RB1: variants seen among roughly 807,000 people sequenced by gnomAD.
RB1 encodes retinoblastoma-associated protein.
A neutral mutation model predicts 135.4 loss-of-function variants in RB1; 18 were observed. That is an observed-to-expected ratio of 0.13 (90% CI 0.09 to 0.20). The LOEUF is 0.20. Among genes scored for constraint, RB1 ranks in the 10% least tolerant of loss-of-function variants. RB1 has a pLI of 1.00. For synonymous variants in RB1, 365 were observed against 373.2 expected (o/e 0.98, Z 0.25); for missense variants, 868 against 1,110.0 (o/e 0.78, Z 3.10).
intron 17 of RB1, among the ~76,000 whole-genome samples, chr13:48,450,215 C>T (rs1421128934): frequency 1.3e-5 from 2 of 151,686 alleles, no homozygotes; most frequent in African/African-American, 2.4e-5. Context: ...GCCTATGTCC[C>T]GAATGGTATT....
rs1190813356 is a variant in RB1, at chr13:48,452,995, T to G, written c.1698T>G (p.Asp566Glu). 1 of 1,612,558 alleles carries G rather than the reference T, an allele frequency of 6.2e-7. No homozygotes were observed. The highest frequency in any genetic ancestry group is 2.2e-5 in the East Asian group (1 of 44,782). Residue 566 changes from aspartate (D) to glutamate (E), a missense_variant and splice_region_variant, in exon 18 of 27, where the codon GAT becomes GAG. Physicochemically the swap from Asp to Glu is conservative, Grantham distance 45. Coordinates refer to ENST00000267163, the MANE Select transcript of RB1 (RefSeq NM_000321.3). ...TAATTTCATCATGTTTCATATAGGA[T>G]TCACCTTTATTTGATCTTATTAAAC... Reference protein sequence around the residue: ...RIMESLAWLSDSPLFDLIKQS... With the variant: ...RIMESLAWLSESPLFDLIKQS...
rs587778641 is a variant in RB1 at position 48,456,287 on chromosome 13, C to T, written c.1898C>T (p.Thr633Ile). 4.3e-6 allele frequency: 7 copies of T among 1,614,204 alleles called. No homozygotes were observed. Among genetic ancestry groups the T allele is most frequent in the Non-Finnish European group, 5.1e-6 (6 of 1,180,048 alleles). The stretch of plus-strand genomic sequence containing the variant: ...ACTGCAAATGCAGAGACACAAGCAA[C>T]CTCAGCCTTCCAGACCCAGAAGCCA... ...NSTANAETQA[T>I]SAFQTQKPLK... Residue 633 changes from threonine (T) to isoleucine (I), a missense_variant, in exon 19 of 27, where the codon ACC (threonine) becomes ATC (isoleucine). Thr to Ile is a moderately conservative substitution (Grantham distance 89). This residue lies in a region of RB1 where 641 missense variants were observed against 791.3 expected (regional missense o/e 0.81). Transcript: ENST00000267163.
chr13:48,430,851 C>G (rs1019063731), intron 17 of RB1, among the ~76,000 whole-genome samples: 1 of 151,994 alleles, frequency 6.6e-6, no homozygotes, highest in Non-Finnish European at 1.5e-5. Flanking sequence ...ATTTCTGGAG[C>G]CCAGGAGTTT....
chr13:48,458,031 G>A (rs528072843), intron 19 of RB1, among the ~76,000 whole-genome samples: 6 of 152,238 alleles, frequency 3.9e-5, no homozygotes, highest in Admixed American at 6.5e-5. Context: ...GCACAGGGAT[G>A]CCTGGGTCCG....
At chr13:48,339,544 T>G (rs1952422759) in intron 2 of RB1, among the ~76,000 whole-genome samples, 1 of 152,078 alleles carries the variant, frequency 6.6e-6, no homozygotes, top group South Asian at 2.1e-4. Context: ...AGGGTGGGAG[T>G]GACCCGATTT....
In RB1 at chr13:48,388,509, T is replaced by C. The variant is rs531224511; in HGVS notation, c.1695+7066T>C. ...GGCACTTTGGTGAGCACTTCTTAAA[T>C]TTAATTTTCATCATAATCCATGAGG... On this transcript the variant is annotated intron_variant, in intron 17 of 26. Transcript: ENST00000267163. Among the ~76,000 whole-genome samples, 3 of 152,276 alleles carry C rather than the reference T, an allele frequency of 2.0e-5. No homozygotes were observed. The South Asian group carries it at 6.2e-4, about 32-fold the overall frequency.
intron 17 of RB1, among the ~76,000 whole-genome samples, chr13:48,427,134 C>T (rs917910043): frequency 2.0e-5 from 3 of 152,302 alleles, no homozygotes; most frequent in Non-Finnish European, 2.9e-5. Flanking sequence ...TACCAAACCT[C>T]ACCTCCAGCA....
intron 18 of RB1, among the ~76,000 whole-genome samples, chr13:48,455,888 A>G (rs893197576): frequency 6.6e-6 from 1 of 152,202 alleles, no homozygotes; most frequent in African/African-American, 2.4e-5. Context: ...ATATCAATAA[A>G]TTGTTTTTTA....
chr13:48,413,896 T>A (rs1176315229), intron 17 of RB1, among the ~76,000 whole-genome samples: 2 of 152,184 alleles, frequency 1.3e-5, no homozygotes, highest in Non-Finnish European at 2.9e-5. Context: ...ATCCTACTAC[T>A]TGGCAAAATT....
At chr13:48,317,383 G>A (rs76016045) in intron 2 of RB1, 15 of 387,938 alleles carry the variant, frequency 3.9e-5, no homozygotes, top group Admixed American at 4.4e-5. Flanking sequence ...CGAGCGCAGC[G>A]CGCACGGGTT....
intron 2 of RB1, chr13:48,341,381 A>G (rs1316961899): frequency 6.6e-6 from 1 of 151,806 alleles, no homozygotes; most frequent in Non-Finnish European, 1.5e-5. Context: ...TGAAGCTGCT[A>G]TGAACATTCA....
chr13:48,308,687 ATC>A (rs947099338), intron 2 of RB1, among the ~76,000 whole-genome samples: 20 of 152,204 alleles, frequency 1.3e-4, no homozygotes, highest in African/African-American at 4.8e-4. Context: ...AACTTTACAA[ATC>A]TACGAATAAC....
rs535405256 is a variant in RB1, at chr13:48,456,059, A to C, written c.1815-145A>C. The stretch of plus-strand genomic sequence containing the variant: ...TGACAAGCAGTTTTCCTATTAATAT[A>C]TCTTTCCCAGCTTGCATTTAAATAG... On this transcript the variant is annotated intron_variant, in intron 18 of 26. Coordinates refer to ENST00000267163, the MANE Select transcript of RB1 (RefSeq NM_000321.3). The C allele has an allele frequency of 1.0e-4, 147 of 1,425,918 alleles. No homozygotes were observed. The African/African-American group carries it at 1.7e-3, about 17-fold the overall frequency. The allele number at this position is 1,425,918 out of a possible 1,614,324, so 88.3% of individuals were successfully genotyped here.
intron 18 of RB1, among the ~76,000 whole-genome samples, chr13:48,454,713 A>T (rs749634478): frequency 6.6e-6 from 1 of 152,238 alleles, no homozygotes; most frequent in Non-Finnish European, 1.5e-5. Context: ...CCTTTCTCTG[A>T]TAAAGTGATA....
chr13:48,304,423 G>T (rs1952060236), intron 1 of RB1, among the ~76,000 whole-genome samples: 1 of 152,188 alleles, frequency 6.6e-6, no homozygotes, highest in Admixed American at 6.5e-5. Context: ...TTTCACCGGA[G>T]AATTGGAGTA....
At chr13:48,324,556 G>A (rs1220935521) in intron 2 of RB1, among the ~76,000 whole-genome samples, 2 of 151,878 alleles carry the variant, frequency 1.3e-5, no homozygotes, top group Non-Finnish European at 2.9e-5. Context: ...CTGTTTTATG[G>A]CTGAATAACA....
At position 48,394,465 on chromosome 13, in the gene RB1, C is replaced by T. The variant is rs111534561; in HGVS notation, c.1695+13022C>T. Among the ~76,000 whole-genome samples the T allele has an allele frequency of 3.1e-3, 470 of 152,308 alleles. 1 individual carries two copies. The highest frequency in any genetic ancestry group is 0.011 in the African/African-American group (442 of 41,554). ...AGCCAAGTGGTCTACCTCAGCGGAT[C>T]CCACCCCCATGGAGCCAAGCAAGCT... On this transcript the variant is annotated intron_variant, in intron 17 of 26. Transcript: ENST00000267163.
chr13:48,355,719 A>G (rs1952583976), intron 6 of RB1, among the ~76,000 whole-genome samples: 1 of 152,066 alleles, frequency 6.6e-6, no homozygotes, highest in African/African-American at 2.4e-5. Context: ...ACATATACAC[A>G]ATGGAGTACT....
At chr13:48,341,483 T>C (rs1488547363) in intron 2 of RB1, among the ~76,000 whole-genome samples, 2 of 152,080 alleles carry the variant, frequency 1.3e-5, no homozygotes, top group Admixed American at 1.3e-4. Flanking sequence ...TATAAGAACT[T>C]CCAAACTTGT....
Sources: gnomAD v4.1 joint callset for allele counts (sites outside exome capture counted in the v4.1 genomes callset) on GRCh38, gnomAD v4.1.1 for gene constraint, gnomAD v4.1.1 regional missense constraint, MANE v1.5 for transcripts, NCBI Gene and HGNC (gene_info 2026-07-23, HGNC 2026-07-21) for gene names.